The following EHD3 variants were observed in gnomAD, a reference collection of about 807,000 sequenced individuals.
EHD3 encodes EH domain containing 3.
Under a neutral mutation model 43.0 loss-of-function variants are expected in EHD3, and 17 were observed. The observed-to-expected ratio is 0.40, with a 90% CI of 0.27 to 0.59. EHD3 has a LOEUF of 0.59. Ranked by LOEUF, EHD3 falls within the 20% of genes least tolerant of loss-of-function variation. The pLI is 0.49. For synonymous variants in EHD3, 313 were observed against 289.5 expected, an observed-to-expected ratio of 1.08 and a Z score of -0.82; for missense variants, 594 against 705.6, an observed-to-expected ratio of 0.84 and a Z score of 1.79.
In EHD3 at chr2:31,260,912, GGC is replaced by G; in HGVS notation, c.906_907del (p.Arg302SerfsTer67). The G allele has an allele frequency of 6.2e-7, 1 of 1,605,192 alleles. No homozygotes were observed. The highest frequency in any genetic ancestry group is 8.5e-7 in the Non-Finnish European group (1 of 1,175,376). On this transcript the variant is annotated frameshift_variant, in exon 4 of 6. Transcript: ENST00000322054. LOFTEE classifies it high-confidence loss of function. This position sits in a 1 kb window ranked among gnomAD's most constrained non-coding sequence, Gnocchi z 4.6. The stretch of plus-strand genomic sequence containing the variant: ...CTCAACGACCTCATCAAAAGGGCCA[GGC>G]TGGCCAAGGTGAGGCAGCCCCCTGG...
intron 3 of EHD3, among the ~76,000 whole-genome samples, chr2:31,251,099 G>A (rs902803611): frequency 3.3e-5 from 5 of 152,238 alleles, no homozygotes; most frequent in African/African-American, 1.2e-4. Context: ...CTGCAGTTGT[G>A]TATTGACGAG....
chr2:31,257,074 C>G (rs1302459817), intron 3 of EHD3, among the ~76,000 whole-genome samples: 2 of 152,226 alleles, frequency 1.3e-5, no homozygotes, highest in African/African-American at 4.8e-5. Flanking sequence ...GTGGCCTGCA[C>G]TGGCACAGCT....
intron 1 of EHD3, 56 bp downstream of exon 1, chr2:31,234,904 C>T (rs1248744910): frequency 9.1e-6 from 14 of 1,538,680 alleles, no homozygotes; most frequent in East Asian, 2.3e-5. Context: ...CTAGTCCCTC[C>T]GGTCACTCCT....
At chr2:31,256,718 G>A (rs534243532) in intron 3 of EHD3, among the ~76,000 whole-genome samples, 3 of 152,208 alleles carry the variant, frequency 2.0e-5, no homozygotes, top group Admixed American at 6.5e-5. Context: ...CTCTTACATC[G>A]CTGGTGTCAT....
chr2:31,237,813 A>G lies in EHD3; in HGVS notation c.227+2965A>G, dbSNP rs148974511. Among the ~76,000 whole-genome samples the G allele has an allele frequency of 2.0e-5, 3 of 152,342 alleles. No individual in the cohort carries two copies. In the East Asian group the frequency reaches 5.8e-4, roughly 29 times the overall value. ...TCACTATTTGTATATACAATTATTCATTCAACTAATGAATAGCATTGTTTT... is the reference window on the plus strand; with the variant it reads ...TCACTATTTGTATATACAATTATTCGTTCAACTAATGAATAGCATTGTTTT... On this transcript the variant is annotated intron_variant, in intron 1 of 5. Coordinates refer to ENST00000322054, the MANE Select transcript of EHD3 (RefSeq NM_014600.3).
At chr2:31,239,672 C>G (rs182660680) in intron 1 of EHD3, among the ~76,000 whole-genome samples, 2 of 152,312 alleles carry the variant, frequency 1.3e-5, no homozygotes, top group East Asian at 3.9e-4. Context: ...GTCAGGCCAC[C>G]TCCCCTTTCT....
intron 3 of EHD3, among the ~76,000 whole-genome samples, chr2:31,257,335 A>T (rs1683769571): frequency 6.6e-6 from 1 of 152,188 alleles, no homozygotes; most frequent in Non-Finnish European, 1.5e-5. Context: ...GGAAGGATGG[A>T]CAGAGGGATG....
At chr2:31,241,874 A>ATCACAACC (rs1683431018) in intron 1 of EHD3, among the ~76,000 whole-genome samples, 1 of 152,242 alleles carries the variant, frequency 6.6e-6, no homozygotes, top group Non-Finnish European at 1.5e-5. Flanking sequence ...ATTCACTCTC[A>ATCACAACC]TCACAACCTC....
chr2:31,250,286 G>A (rs951383947), intron 3 of EHD3, among the ~76,000 whole-genome samples: 1 of 76,316 alleles, frequency 1.3e-5, no homozygotes, highest in South Asian at 4.3e-4. Context: ...TTTTTTTTTT[G>A]AGACAGAGTC....
intron 1 of EHD3, among the ~76,000 whole-genome samples, chr2:31,242,108 C>T (rs662451): frequency 0.64 from 97,138 of 152,166 alleles, 32,364 homozygotes; most frequent in East Asian, 0.89. Context: ...ACGGAGCCCA[C>T]AGCAACCTGA....
chr2:31,243,051 C>T (rs907797377), intron 1 of EHD3, among the ~76,000 whole-genome samples: 2 of 152,130 alleles, frequency 1.3e-5, no homozygotes, highest in South Asian at 2.1e-4. Context: ...CCAAGGCAGG[C>T]GGATCACCTG....
At chr2:31,264,714 A>C (rs1683912721) in intron 5 of EHD3, among the ~76,000 whole-genome samples, 1 of 151,584 alleles carries the variant, frequency 6.6e-6, no homozygotes, top group Admixed American at 6.6e-5. Context: ...TTGTAATTTT[A>C]GTAGAGACGG....
In EHD3 at chr2:31,261,659, C is replaced by T. The variant is rs1311928343; in HGVS notation, c.1026C>T (p.Ile342=). The change falls in exon 5 of 6, where the codon ATC becomes ATT. Residue 342 remains isoleucine, a synonymous_variant. Transcript: ENST00000322054. The part of the protein sequence containing the change: ...VNNLAEIYGR[I]EREHQISPGD... ...ACCTGGCCGAGATCTATGGCCGGAT[C>T]GAGCGGGAGCACCAGATCTCACCTG... is the stretch of plus-strand genomic sequence containing the variant. The T allele has an allele frequency of 1.8e-5, 29 of 1,614,090 alleles. No individual in the cohort carries two copies. The highest frequency in any genetic ancestry group is 3.3e-5 in the South Asian group (3 of 91,086).
intron 2 of EHD3, among the ~76,000 whole-genome samples, chr2:31,245,549 ATATATTTTTTTTTTTT>A (rs1475500898): frequency 1.7e-4 from 8 of 47,106 alleles, no homozygotes; most frequent in African/African-American, 6.7e-4. Flanking sequence ...ATATATATAT[ATATATTTTTTTTTTTT>A]TTTTTTTTTT....
At chr2:31,241,271 G>A (rs1264249927) in intron 1 of EHD3, among the ~76,000 whole-genome samples, 1 of 152,154 alleles carries the variant, frequency 6.6e-6, no homozygotes, top group Non-Finnish European at 1.5e-5. Flanking sequence ...CTAAAAGGGA[G>A]CTCAACCCTT....
At chr2:31,265,212 C>T (rs673108) in intron 5 of EHD3, among the ~76,000 whole-genome samples, 130,311 of 152,238 alleles carry the variant, frequency 0.86, 56,179 homozygotes, top group African/African-American at 0.95. Context: ...AAGAATACAC[C>T]CTAAAATAAC....
In EHD3 at chr2:31,251,831, G is replaced by C. The variant is rs895796165; in HGVS notation, c.502+2363G>C. Among the ~76,000 whole-genome samples the C allele has an allele frequency of 9.9e-5, 15 of 152,242 alleles. No individual in the cohort carries two copies. In the Middle Eastern group the frequency reaches 0.01, roughly 104 times the overall value. On this transcript the variant is annotated intron_variant, in intron 3 of 5. Transcript: ENST00000322054. ...ACGGGTGGTTTTTCTGTCTTGCTTT[G>C]GTTTGTTTGCCGGAGCACCCCCTTT...
In EHD3 at chr2:31,266,801, C is replaced by T. The variant is rs567122967; in HGVS notation, c.*97C>T. On this transcript the variant is annotated 3_prime_UTR_variant, in exon 6 of 6. Coordinates refer to ENST00000322054, the MANE Select transcript of EHD3 (RefSeq NM_014600.3). This position sits in a 1 kb window ranked among gnomAD's most constrained non-coding sequence, Gnocchi z 5.1. ...ACACACACACACACACACAAACATG[C>T]ACACACACATATGCATATCTTGACA... The T allele has an allele frequency of 4.0e-4, 530 of 1,335,354 alleles. 6 individuals are homozygous for T. Among genetic ancestry groups the T allele is most frequent in the South Asian group, 3.2e-3 (226 of 70,700 alleles). 82.7% of individuals were successfully genotyped at this position (1,335,354 alleles called of 1,614,324 possible). A position where few individuals can be genotyped will look rare whatever the true frequency, so the allele number is the denominator to read the frequency against.
chr2:31,244,548 G>A, intron 2 of EHD3, 98 bp downstream of exon 2: 2 of 1,306,236 alleles, frequency 1.5e-6, no homozygotes, highest in Non-Finnish European at 2.1e-6. Flanking sequence ...GATGCTTGGT[G>A]CCTAGAGTCT....
Sources: gnomAD v4.1 joint callset for allele counts (sites outside exome capture counted in the v4.1 genomes callset) on GRCh38, gnomAD v4.1.1 for gene constraint, Gnocchi (gnomAD v3.1) non-coding constraint, MANE v1.5 for transcripts, NCBI Gene and HGNC (gene_info 2026-07-23, HGNC 2026-07-21) for gene names.